TRPC4: variants seen among roughly 807,000 people sequenced by gnomAD.
TRPC4 encodes transient receptor potential cation channel subfamily C member 4.
In TRPC4, 49 loss-of-function variants were observed where a neutral mutation model predicts 99.4. That is an observed-to-expected ratio of 0.49 (90% CI 0.39 to 0.63). The LOEUF is 0.63. Ranked by LOEUF, TRPC4 falls within the 20% of genes least tolerant of loss-of-function variation. The probability of loss-of-function intolerance (pLI) is 0.00; values close to 1 mark genes in which losing one functional copy is unlikely to be tolerated. For synonymous variants in TRPC4, 454 were observed against 425.9 expected, an observed-to-expected ratio of 1.07 and a Z score of -0.81; for missense variants, 898 against 1,152.9, an observed-to-expected ratio of 0.78 and a Z score of 3.20.
intron 1 of TRPC4, among the ~76,000 whole-genome samples, chr13:37,812,651 T>C (rs1957735496): frequency 6.6e-6 from 1 of 152,078 alleles, no homozygotes; most frequent in African/African-American, 2.4e-5. Flanking sequence ...GTCACCCTAA[T>C]ATATATTTAA....
chr13:37,679,118 T>C (rs2138796829), intron 4 of TRPC4, among the ~76,000 whole-genome samples: 1 of 152,284 alleles, frequency 6.6e-6, no homozygotes, highest in East Asian at 1.9e-4. Flanking sequence ...ACTACTTTTC[T>C]GTAAAGGGCC....
At chr13:37,742,589 C>G (rs956908095) in intron 3 of TRPC4, among the ~76,000 whole-genome samples, 11 of 152,130 alleles carry the variant, frequency 7.2e-5, no homozygotes, top group Admixed American at 7.2e-4. Context: ...TCATAGAATG[C>G]TCCTGCGGTG....
At chr13:37,826,562 G>T (rs2139568082) in intron 1 of TRPC4, among the ~76,000 whole-genome samples, 1 of 151,378 alleles carries the variant, frequency 6.6e-6, no homozygotes, top group East Asian at 2.0e-4. Context: ...TGAAATTCTG[G>T]GTTGAAAATT....
At chr13:37,816,529 T>TG (rs1374405115) in intron 1 of TRPC4, among the ~76,000 whole-genome samples, 3 of 151,946 alleles carry the variant, frequency 2.0e-5, no homozygotes, top group Non-Finnish European at 4.4e-5. Context: ...ACTCATTCAA[T>TG]GAGGCCAGCA....
chr13:37,644,671 C>A (rs978396841), intron 8 of TRPC4, among the ~76,000 whole-genome samples: 1 of 151,844 alleles, frequency 6.6e-6, no homozygotes, highest in Non-Finnish European at 1.5e-5. Context: ...GAGCTCAAGA[C>A]CATCCTGGCT....
rs865931475 is a variant in TRPC4, at chr13:37,860,843, G to A, written c.-28+8752C>T. On this transcript the variant is annotated intron_variant, in intron 1 of 10. Transcript: ENST00000379705. The stretch of plus-strand genomic sequence containing the variant: ...GTAGGACTGATGGAGTGCTAGCAGA[G>A]TATAATATTGAAGAAACAAAGGGTA... 1.3e-4 allele frequency among the ~76,000 whole-genome samples: 20 copies of A among 151,398 alleles called. 1 individual carries two copies. The highest frequency in any genetic ancestry group is 3.9e-4 in the African/African-American group (16 of 41,452).
chr13:37,823,217 A>G (rs1479165795), intron 1 of TRPC4, among the ~76,000 whole-genome samples: 7 of 147,836 alleles, frequency 4.7e-5, no homozygotes, highest in Non-Finnish European at 1.1e-4. Flanking sequence ...CCCATTTTGT[A>G]GGTTGCCTGT....
At chr13:37,855,411 A>C (rs1201666633) in intron 1 of TRPC4, among the ~76,000 whole-genome samples, 1 of 151,286 alleles carries the variant, frequency 6.6e-6, no homozygotes, top group Non-Finnish European at 1.5e-5. Flanking sequence ...AAAGAGATAG[A>C]TAGACCTCAA....
At chr13:37,816,508 A>G (rs375194001) in intron 1 of TRPC4, among the ~76,000 whole-genome samples, 1 of 151,842 alleles carries the variant, frequency 6.6e-6, no homozygotes, top group African/African-American at 2.4e-5. Flanking sequence ...AGGAGAAAAG[A>G]CTCCTCCCTA....
intron 1 of TRPC4, among the ~76,000 whole-genome samples, chr13:37,826,918 C>G (rs540467195): frequency 6.6e-6 from 1 of 152,230 alleles, no homozygotes; most frequent in Admixed American, 6.5e-5. Flanking sequence ...ACCAATCAGA[C>G]GTAGATTTGG....
intron 1 of TRPC4, among the ~76,000 whole-genome samples, chr13:37,857,981 C>A (rs1443964152): frequency 6.6e-6 from 1 of 151,634 alleles, no homozygotes; most frequent in Non-Finnish European, 1.5e-5. Flanking sequence ...AAAAGGCAAC[C>A]CATAGAATGG....
intron 1 of TRPC4, among the ~76,000 whole-genome samples, chr13:37,863,372 A>C (rs1178619722): frequency 1.3e-4 from 19 of 151,642 alleles, no homozygotes; most frequent in Non-Finnish European, 3.0e-5. Flanking sequence ...TTTGTGTCTC[A>C]CACTCAAGCA....
chr13:37,822,650 T>G (rs1358050190), intron 1 of TRPC4, among the ~76,000 whole-genome samples: 2 of 151,982 alleles, frequency 1.3e-5, no homozygotes, highest in Admixed American at 1.3e-4. Context: ...TGTGCCACAT[T>G]TTCTTCATCC....
chr13:37,797,722 A>G (rs1957296301), intron 1 of TRPC4, among the ~76,000 whole-genome samples: 1 of 152,196 alleles, frequency 6.6e-6, no homozygotes, highest in Non-Finnish European at 1.5e-5. Flanking sequence ...TTCATTATGC[A>G]CAAGGAATTT....
At chr13:37,644,734 G>A (rs1254885321) in intron 8 of TRPC4, among the ~76,000 whole-genome samples, 2 of 151,798 alleles carry the variant, frequency 1.3e-5, no homozygotes, top group Admixed American at 6.6e-5. Context: ...TTTGCCAGGT[G>A]TGGTGGCAAG....
chr13:37,717,127 G>A (rs1954703874), intron 3 of TRPC4, among the ~76,000 whole-genome samples: 1 of 151,904 alleles, frequency 6.6e-6, no homozygotes, highest in Non-Finnish European at 1.5e-5. Context: ...CATTTTACAG[G>A]GAGTTATAAG....
At chr13:37,761,304 C>T (rs1052497623) in intron 2 of TRPC4, among the ~76,000 whole-genome samples, 2 of 151,850 alleles carry the variant, frequency 1.3e-5, no homozygotes, top group African/African-American at 4.8e-5. Context: ...AAGAGAATGA[C>T]AGGCCTCAGA....
intron 1 of TRPC4, among the ~76,000 whole-genome samples, chr13:37,803,945 C>G (rs2139442216): frequency 6.6e-6 from 1 of 152,078 alleles, no homozygotes; most frequent in Non-Finnish European, 1.5e-5. Context: ...TTAAAAAGTC[C>G]CTCAATATAT....
intron 3 of TRPC4, among the ~76,000 whole-genome samples, chr13:37,725,778 G>A (rs1955033149): frequency 6.6e-6 from 1 of 152,164 alleles, no homozygotes; most frequent in Non-Finnish European, 1.5e-5. Flanking sequence ...AAGTGAGGGA[G>A]AAATACATTC....
Sources: allele counts gnomAD v4.1 joint callset (sites outside exome capture counted in the v4.1 genomes callset), GRCh38; gene constraint gnomAD v4.1.1; transcripts MANE v1.5; gene names NCBI Gene and HGNC (gene_info 2026-07-23, HGNC 2026-07-21).